The following SLC44A5 variants were observed in gnomAD, a reference collection of about 807,000 sequenced individuals.
The protein encoded by SLC44A5 is solute carrier family 44 member 5.
A neutral mutation model predicts 101.8 loss-of-function variants in SLC44A5; 57 were observed. The ratio of observed to expected loss-of-function variants is 0.56; its 90% CI spans 0.45 to 0.70. SLC44A5 has a LOEUF of 0.70. Among genes scored for constraint, SLC44A5 ranks in the 30% least tolerant of loss-of-function variants. The pLI is 0.00. For missense variants in SLC44A5, 737 were observed against 853.1 expected, an observed-to-expected ratio of 0.86 and a Z score of 1.70; for synonymous variants, 281 against 290.9, an observed-to-expected ratio of 0.97 and a Z score of 0.35.
At position 75,603,110 on chromosome 1, in the gene SLC44A5, C is replaced by T. The variant is rs1037998154; in HGVS notation, c.-70+7930G>A. Among the ~76,000 whole-genome samples, 4 of 151,992 alleles carry T rather than the reference C, an allele frequency of 2.6e-5. No individual in the cohort carries two copies. The East Asian group carries it at 7.8e-4, about 30-fold the overall frequency. On this transcript the variant is annotated intron_variant, in intron 1 of 23. Coordinates refer to ENST00000370859, the MANE Select transcript of SLC44A5 (RefSeq NM_001130058.2). ...GTACTGAGCATAGTACCCCACAGTT[C>T]ATTTGTCAACCCTTTCCCCCAACCT...
At chr1:75,681,159 T>A in the SLC44A5 span, among the ~76,000 whole-genome samples, 1 of 152,142 alleles carries the variant, frequency 6.6e-6, no homozygotes, top group Non-Finnish European at 1.5e-5. Context: ...CCAGATGGAT[T>A]CACAGCCGAA....
intron 2 of SLC44A5, among the ~76,000 whole-genome samples, chr1:75,523,274 G>C (rs1670238479): frequency 6.6e-6 from 1 of 152,098 alleles, no homozygotes; most frequent in African/African-American, 2.4e-5. Flanking sequence ...GACAAGCCTA[G>C]TTTTAAATTC....
chr1:75,367,156 C>G (rs1218861022), intron 3 of SLC44A5, among the ~76,000 whole-genome samples: 1 of 152,182 alleles, frequency 6.6e-6, no homozygotes, highest in Non-Finnish European at 1.5e-5. Flanking sequence ...AGACCTCTTT[C>G]AGTCTTTACA....
chr1:75,721,833 A>C, the SLC44A5 span, among the ~76,000 whole-genome samples: 1 of 152,244 alleles, frequency 6.6e-6, no homozygotes, highest in Non-Finnish European at 1.5e-5. Flanking sequence ...AAGAAGCCAA[A>C]GAAAGTTAAA....
intron 1 of SLC44A5, among the ~76,000 whole-genome samples, chr1:75,588,236 G>A (rs1674132560): frequency 7.4e-6 from 1 of 134,888 alleles, no homozygotes; most frequent in African/African-American, 2.7e-5. Context: ...GGGAGGGAGG[G>A]AAGGAAGGAG....
chr1:75,569,462 G>A (rs931203823), intron 1 of SLC44A5, among the ~76,000 whole-genome samples: 6 of 151,908 alleles, frequency 3.9e-5, no homozygotes, highest in Admixed American at 6.6e-5. Context: ...GGCTGGTCTC[G>A]AACTCATGGG....
intron 22 of SLC44A5, among the ~76,000 whole-genome samples, chr1:75,212,050 C>T (rs1481047584): frequency 6.6e-6 from 1 of 152,208 alleles, no homozygotes; most frequent in East Asian, 1.9e-4. Context: ...GCCACATGCC[C>T]AGCTCTTTAG....
chr1:75,632,284 C>T, the SLC44A5 span, among the ~76,000 whole-genome samples: 2 of 152,038 alleles, frequency 1.3e-5, no homozygotes, highest in East Asian at 1.9e-4. Context: ...TCTTTAGAGA[C>T]ATTCTTATAA....
At chr1:75,630,722 C>T in the SLC44A5 span, among the ~76,000 whole-genome samples, 3 of 151,988 alleles carry the variant, frequency 2.0e-5, no homozygotes, top group South Asian at 2.1e-4. Flanking sequence ...GTAAATAAAC[C>T]GTCATTGATA....
chr1:75,218,617 T>G lies in SLC44A5; in HGVS notation c.1402A>C (p.Ile468Leu). Residue 468 changes from isoleucine to leucine, a missense_variant, in exon 17 of 24, where the codon ATA becomes CTA. This residue lies in a region of SLC44A5 where 665 missense variants were observed against 764.4 expected (regional missense o/e 0.87). Transcript: ENST00000370859. ...TGACCTAATGCAATGACGAAGTTTATAAGCCAGAGAAAGACAAATAAGTTG... is the reference window on the plus strand; with the variant it reads ...TGACCTAATGCAATGACGAAGTTTAGAAGCCAGAGAAAGACAAATAAGTTG... ...VYNLFVFLWLINFVIALGQCA... is the reference protein window; with the variant it reads ...VYNLFVFLWLLNFVIALGQCA... The G allele has an allele frequency of 1.2e-6, 2 of 1,613,874 alleles. No homozygotes were observed. Among genetic ancestry groups the G allele is most frequent in the Non-Finnish European group, 1.7e-6 (2 of 1,179,814 alleles).
chr1:75,642,222 C>G, the SLC44A5 span: 1 of 548,146 alleles, frequency 1.8e-6, no homozygotes, highest in East Asian at 3.0e-5. Flanking sequence ...TCTGCTTATA[C>G]AATCACTTGA....
chr1:75,226,465 T>C (rs896438188), intron 13 of SLC44A5, among the ~76,000 whole-genome samples: 3 of 152,166 alleles, frequency 2.0e-5, no homozygotes, highest in South Asian at 2.1e-4. Context: ...GTCTGCACTT[T>C]GGTCACCAGG....
At chr1:75,510,959 G>C (rs1290811298) in intron 2 of SLC44A5, among the ~76,000 whole-genome samples, 1 of 152,100 alleles carries the variant, frequency 6.6e-6, no homozygotes, top group Non-Finnish European at 1.5e-5. Flanking sequence ...TGGCTAACAC[G>C]GTGAAACCCA....
intron 3 of SLC44A5, among the ~76,000 whole-genome samples, chr1:75,360,566 C>CT (rs1659414950): frequency 6.6e-6 from 1 of 152,124 alleles, no homozygotes; most frequent in Non-Finnish European, 1.5e-5. Context: ...AAGAAACTAT[C>CT]TTTTTTTCCC....
the SLC44A5 span, among the ~76,000 whole-genome samples, chr1:75,659,715 C>G: frequency 6.6e-6 from 1 of 150,484 alleles, no homozygotes; most frequent in Non-Finnish European, 1.5e-5. Context: ...AGGAGGATTG[C>G]TTGAGCCTGG....
intron 17 of SLC44A5, among the ~76,000 whole-genome samples, chr1:75,218,196 G>A (rs1481898928): frequency 6.6e-6 from 1 of 152,076 alleles, no homozygotes; most frequent in Non-Finnish European, 1.5e-5. Flanking sequence ...AAAATAGGAT[G>A]TTTTTACTGC....
rs574923778 is a variant in SLC44A5 at position 75,572,499 on chromosome 1, A to G, written c.-69-30983T>C. Among the ~76,000 whole-genome samples, 3 of 152,366 alleles carry G rather than the reference A, an allele frequency of 2.0e-5. No homozygotes were observed. The South Asian group carries it at 6.2e-4, about 32-fold the overall frequency. Reference sequence around the variant, plus strand: ...CATAGACCAATAGAGAAGGAAATATATTACTAACGCACTGTGCCTAGCTCT... The same window carrying G: ...CATAGACCAATAGAGAAGGAAATATGTTACTAACGCACTGTGCCTAGCTCT... On this transcript the variant is annotated intron_variant, in intron 1 of 23. Coordinates refer to ENST00000370859, the MANE Select transcript of SLC44A5 (RefSeq NM_001130058.2).
intron 5 of SLC44A5, among the ~76,000 whole-genome samples, chr1:75,277,249 T>C (rs1651997091): frequency 6.6e-6 from 1 of 152,158 alleles, no homozygotes; most frequent in Non-Finnish European, 1.5e-5. Context: ...GAGGAAATAG[T>C]ATAATAATAA....
intron 3 of SLC44A5, among the ~76,000 whole-genome samples, chr1:75,387,010 T>G (rs1321134047): frequency 6.6e-6 from 1 of 151,720 alleles, no homozygotes; most frequent in Non-Finnish European, 1.5e-5. Flanking sequence ...TAGCCATATG[T>G]AGAAAGCTGA....
Sources: allele counts gnomAD v4.1 joint callset (sites outside exome capture counted in the v4.1 genomes callset), GRCh38; gene constraint gnomAD v4.1.1; regional missense constraint gnomAD v4.1.1; transcripts MANE v1.5; gene names NCBI Gene and HGNC (gene_info 2026-07-23, HGNC 2026-07-21).